DPP10: variants seen among roughly 807,000 people sequenced by gnomAD.
The protein encoded by DPP10 is inactive dipeptidyl peptidase 10.
DPP10 carries 33 observed loss-of-function variants against 120.9 expected under a neutral mutation model. The ratio of observed to expected loss-of-function variants is 0.27; its 90% CI spans 0.21 to 0.37. The LOEUF is 0.37. DPP10 is among the 10% of genes least tolerant of loss of function. The pLI is 1.00. For synonymous variants in DPP10, 337 were observed against 326.1 expected (o/e 1.03, Z -0.36); for missense variants, 816 against 942.8 (o/e 0.87, Z 1.76).
At chr2:115,511,022 A>T (rs1388908668) in intron 4 of DPP10, among the ~76,000 whole-genome samples, 1 of 152,132 alleles carries the variant, frequency 6.6e-6, no homozygotes, top group African/African-American at 2.4e-5. Context: ...TTAGTAGTCC[A>T]GGCTCTTTAT....
At chr2:114,615,062 T>C (rs1186038561) in intron 1 of DPP10, among the ~76,000 whole-genome samples, 2 of 152,186 alleles carry the variant, frequency 1.3e-5, no homozygotes, top group Admixed American at 6.5e-5. Flanking sequence ...GTCCATGGAA[T>C]GTAGCTAATT....
At chr2:114,874,914 C>T (rs899192839) in intron 1 of DPP10, among the ~76,000 whole-genome samples, 1 of 152,122 alleles carries the variant, frequency 6.6e-6, no homozygotes, top group Non-Finnish European at 1.5e-5. Flanking sequence ...CTCCCTTATA[C>T]TACTAGAGAG....
intron 1 of DPP10, among the ~76,000 whole-genome samples, chr2:114,631,281 C>T (rs796910610): frequency 2.0e-5 from 3 of 152,150 alleles, no homozygotes; most frequent in African/African-American, 7.2e-5. Flanking sequence ...TTCCGACAAA[C>T]CCACACATTT....
intron 1 of DPP10, among the ~76,000 whole-genome samples, chr2:115,273,189 A>G (rs1430748410): frequency 5.3e-5 from 8 of 152,134 alleles, no homozygotes; most frequent in Non-Finnish European, 1.2e-4. Context: ...TGTGGAGTAC[A>G]TTTCTTTTCT....
chr2:115,525,056 A>G (rs1365590978), intron 4 of DPP10, among the ~76,000 whole-genome samples: 2 of 152,148 alleles, frequency 1.3e-5, no homozygotes, highest in Non-Finnish European at 2.9e-5. Flanking sequence ...TATGGAAACT[A>G]TAAGGTGTGC....
At chr2:115,431,394 G>A (rs952747) in intron 3 of DPP10, among the ~76,000 whole-genome samples, 95,112 of 151,942 alleles carry the variant, frequency 0.63, 30,547 homozygotes, top group Middle Eastern at 0.74. Flanking sequence ...ATATCATGCA[G>A]TCAGGAATCC....
chr2:114,866,200 GAA>G (rs1279216013), intron 1 of DPP10, among the ~76,000 whole-genome samples: 1 of 151,746 alleles, frequency 6.6e-6, no homozygotes, highest in Non-Finnish European at 1.5e-5. Flanking sequence ...ATCATGATAA[GAA>G]AGAATGATCA....
Position 115,232,496 on chromosome 2 carries a change from C to T in DPP10, c.61-76743C>T, listed in dbSNP as rs2057785235. Among the ~76,000 whole-genome samples the T allele has an allele frequency of 2.0e-5, 3 of 152,268 alleles. No individual in the cohort carries two copies. The South Asian group carries it at 6.2e-4, about 32-fold the overall frequency. On this transcript the variant is annotated intron_variant, in intron 1 of 25. Transcript: ENST00000410059. ...ATAGGTTTTGAACTTATACATGCTT[C>T]AATCTTCAGTTTTGATTTCACTACT...
Position 114,755,983 on chromosome 2 carries a change from A to T in DPP10, c.60+313145A>T, listed in dbSNP as rs559956666. 3.4e-3 allele frequency among the ~76,000 whole-genome samples: 519 copies of T among 151,252 alleles called. 4 individuals carry two copies. The highest frequency in any genetic ancestry group is 0.012 in the African/African-American group (500 of 41,272). The stretch of plus-strand genomic sequence containing the variant: ...AAAAAAAAAAAGAAATTAAAACCTG[A>T]TGGGAGAAACAACCCTGACCTAAGA... On this transcript the variant is annotated intron_variant, in intron 1 of 25. Transcript: ENST00000410059.
At chr2:114,869,382 C>T (rs1017806396) in intron 1 of DPP10, among the ~76,000 whole-genome samples, 1 of 152,134 alleles carries the variant, frequency 6.6e-6, no homozygotes, top group Non-Finnish European at 1.5e-5. Flanking sequence ...ACAAAACACA[C>T]TCATATGCAA....
intron 3 of DPP10, chr2:115,468,605 T>C: frequency 2.6e-6 from 1 of 387,404 alleles, no homozygotes; most frequent in South Asian, 2.0e-5. Context: ...TGCACTTGTG[T>C]GGCACCATCT....
intron 1 of DPP10, among the ~76,000 whole-genome samples, chr2:114,558,330 GCTCT>G (rs1688487034): frequency 6.6e-6 from 1 of 152,162 alleles, no homozygotes; most frequent in South Asian, 2.1e-4. Context: ...AACTAATTGG[GCTCT>G]CTTTCTGGTC....
intron 1 of DPP10, among the ~76,000 whole-genome samples, chr2:114,621,585 C>A (rs1057500329): frequency 6.6e-6 from 1 of 151,876 alleles, no homozygotes; most frequent in African/African-American, 2.4e-5. Flanking sequence ...TACTTCATTG[C>A]AAGTAGGTTT....
chr2:114,827,087 C>A (rs942771240), intron 1 of DPP10, among the ~76,000 whole-genome samples: 1 of 151,076 alleles, frequency 6.6e-6, no homozygotes, highest in Non-Finnish European at 1.5e-5. Context: ...CAGGAGGGGG[C>A]GATTTCTCAT....
intron 13 of DPP10, 109 bp from the exon 14 acceptor site, chr2:115,777,099 A>G: frequency 1.1e-6 from 1 of 904,492 alleles, no homozygotes; most frequent in Non-Finnish European, 1.7e-6. Context: ...ACTGAGTGTT[A>G]ACTGAGAATT....
intron 1 of DPP10, among the ~76,000 whole-genome samples, chr2:114,496,177 GAGA>G (rs1682501775): frequency 6.6e-6 from 1 of 152,132 alleles, no homozygotes; most frequent in Non-Finnish European, 1.5e-5. Context: ...GGGGCAGGGA[GAGA>G]AGATGTTTGG....
intron 19 of DPP10, among the ~76,000 whole-genome samples, chr2:115,809,465 G>A (rs1299442699): frequency 6.6e-6 from 1 of 152,190 alleles, no homozygotes; most frequent in African/African-American, 2.4e-5. Flanking sequence ...AGCATAGATA[G>A]TTGATTATGC....
At chr2:115,163,545 C>T (rs1178737701) in intron 1 of DPP10, among the ~76,000 whole-genome samples, 1 of 152,190 alleles carries the variant, frequency 6.6e-6, no homozygotes, top group Non-Finnish European at 1.5e-5. Flanking sequence ...TCCTTTTATA[C>T]CCCTTCCTCC....
intron 1 of DPP10, among the ~76,000 whole-genome samples, chr2:114,468,658 C>A (rs1679636137): frequency 6.6e-6 from 1 of 151,866 alleles, no homozygotes; most frequent in South Asian, 2.1e-4. Flanking sequence ...TCTTGTAATT[C>A]TAGTAATTAA....
Sources: allele counts gnomAD v4.1 joint callset (sites outside exome capture counted in the v4.1 genomes callset), GRCh38; gene constraint gnomAD v4.1.1; transcripts MANE v1.5; gene names NCBI Gene and HGNC (gene_info 2026-07-23, HGNC 2026-07-21).